The following IMPG1 variants were observed in gnomAD, a reference collection of about 807,000 sequenced individuals.
IMPG1 encodes the protein interphotoreceptor matrix proteoglycan of 150 kDa.
IMPG1 carries 85 observed loss-of-function variants against 92.0 expected under a neutral mutation model. That is an observed-to-expected ratio of 0.92 (90% CI 0.78 to 1.11). The LOEUF (loss-of-function observed/expected upper bound fraction) is 1.11, where lower values mean the gene tolerates loss of function less well. IMPG1 is among the 50% of genes least tolerant of loss of function. The pLI, the probability that IMPG1 is intolerant of heterozygous loss-of-function variation, is 0.00. For synonymous variants in IMPG1, 367 were observed against 334.1 expected (o/e 1.10, Z -1.08); for missense variants, 1,022 against 956.0 (o/e 1.07, Z -0.91).
At chr6:75,997,380 T>G (rs374394679) in intron 12 of IMPG1, among the ~76,000 whole-genome samples, 1 of 152,338 alleles carries the variant, frequency 6.6e-6, no homozygotes, top group East Asian at 1.9e-4. Context: ...CATCCTAAAG[T>G]GGAGCAATTT....
Position 76,072,432 on chromosome 6 carries a change from T to C in IMPG1, c.57A>G (p.Gln19=), listed in dbSNP as rs1297561547. 1 of 1,577,516 alleles carries C rather than the reference T, an allele frequency of 6.3e-7. No homozygotes were observed. Among genetic ancestry groups the C allele is most frequent in the Admixed American group, 1.7e-5 (1 of 58,696 alleles). ...IFVFWIFLQV[Q]GTKDISINIY... ...ATTTAAGTAACTTACCTTTGGTTCC[T>C]TGAACTTGGAGAAAAATCCAAAAAA... The change falls in exon 1 of 17, where the codon CAA becomes CAG. Residue 19 remains glutamine (Q), a synonymous_variant. Coordinates refer to ENST00000369950, the MANE Select transcript of IMPG1 (RefSeq NM_001563.4).
intron 12 of IMPG1, among the ~76,000 whole-genome samples, chr6:75,965,858 T>C (rs907963847): frequency 1.2e-4 from 18 of 152,196 alleles, no homozygotes; most frequent in East Asian, 1.2e-3. Flanking sequence ...CTGCCCGCCT[T>C]GGCCTCCCAA....
chr6:75,921,979 CT>C lies in IMPG1; in HGVS notation c.*109del, dbSNP rs1359955041. On this transcript the variant is annotated 3_prime_UTR_variant, in exon 17 of 17. Coordinates refer to ENST00000369950, the MANE Select transcript of IMPG1 (RefSeq NM_001563.4). The stretch of plus-strand genomic sequence containing the variant: ...GGTGTGTGCTGATTCTCAGTGTTGA[CT>C]GTATGTCTGGATTTTGATGACCCAT... 1 of 651,060 alleles carries C rather than the reference CT, an allele frequency of 1.5e-6. No individual in the cohort carries two copies. Among genetic ancestry groups the C allele is most frequent in the African/African-American group, 1.8e-5 (1 of 54,868 alleles). 40.3% of individuals were successfully genotyped at this position (651,060 alleles called of 1,614,324 possible).
intron 12 of IMPG1, 39 bp downstream of exon 12, chr6:76,002,879 T>C (rs770148586): frequency 2.7e-6 from 4 of 1,456,918 alleles, no homozygotes; most frequent in Non-Finnish European, 3.9e-6. Flanking sequence ...TCAAAGCATA[T>C]GTTGTCATCT....
At chr6:76,071,678 T>C (rs1427658546) in intron 1 of IMPG1, among the ~76,000 whole-genome samples, 1 of 152,102 alleles carries the variant, frequency 6.6e-6, no homozygotes, top group Non-Finnish European at 1.5e-5. Context: ...TTAAAGAAAT[T>C]CTTAACCTTA....
At chr6:75,984,681 T>G (rs1354235510) in intron 12 of IMPG1, among the ~76,000 whole-genome samples, 1 of 152,250 alleles carries the variant, frequency 6.6e-6, no homozygotes, top group Admixed American at 6.5e-5. Context: ...AAATCTTATG[T>G]TGAAATGTGA....
intron 4 of IMPG1, among the ~76,000 whole-genome samples, chr6:76,032,966 A>T (rs1317579387): frequency 6.6e-6 from 1 of 152,226 alleles, no homozygotes; most frequent in Non-Finnish European, 1.5e-5. Flanking sequence ...CAAGAAACAG[A>T]TGACTCTCTC....
chr6:75,922,091 A>G lies in IMPG1; in HGVS notation c.2392T>C (p.Ter798GlnextTer40), dbSNP rs747078739. Residue 798 changes from the stop codon to glutamine, a stop_lost, in exon 17 of 17, where the codon TAA becomes CAA. Coordinates refer to ENST00000369950, the MANE Select transcript of IMPG1 (RefSeq NM_001563.4). ...TGATAATTGTACATTTTCAGTTTTT[A>G]ATTTCCTTCCCAATCTTGATGGTTA... ...EFNHQDWEGN[*>Q] 2.3e-6 allele frequency: 3 copies of G among 1,297,908 alleles called. No individual in the cohort carries two copies. Among genetic ancestry groups the G allele is most frequent in the Non-Finnish European group, 3.3e-6 (3 of 907,030 alleles). 80.4% of individuals were successfully genotyped at this position (1,297,908 alleles called of 1,614,324 possible).
In IMPG1 at chr6:76,057,377, C is replaced by T. The variant is rs377320954; in HGVS notation, c.67+15045G>A. ...GTGATGAGGCATGTAGCAGTGGGGA[C>T]CGGGGTGCTTGTGCACCAGAGGTTG... is the stretch of plus-strand genomic sequence containing the variant. On this transcript the variant is annotated intron_variant, in intron 1 of 16. Transcript: ENST00000369950. 2.6e-5 allele frequency among the ~76,000 whole-genome samples: 4 copies of T among 152,102 alleles called. No homozygotes were observed. The East Asian group carries it at 7.7e-4, about 29-fold the overall frequency.
intron 1 of IMPG1, among the ~76,000 whole-genome samples, chr6:76,065,576 G>A (rs1443701769): frequency 6.6e-6 from 1 of 151,966 alleles, no homozygotes; most frequent in Non-Finnish European, 1.5e-5. Context: ...CATGAAGTGG[G>A]GGATTATGTA....
At chr6:75,926,345 C>G (rs1347181023) in intron 15 of IMPG1, among the ~76,000 whole-genome samples, 1 of 152,190 alleles carries the variant, frequency 6.6e-6, no homozygotes, top group Non-Finnish European at 1.5e-5. Flanking sequence ...TCCCACTATT[C>G]AGTGGAGAAA....
chr6:75,973,452 AG>A (rs1269501108), intron 12 of IMPG1, among the ~76,000 whole-genome samples: 2 of 152,244 alleles, frequency 1.3e-5, no homozygotes, highest in Non-Finnish European at 2.9e-5. Flanking sequence ...ACTTTGTGTC[AG>A]GAATTTTACT....
At position 75,930,033 on chromosome 6, in the gene IMPG1, C is replaced by T. The variant is rs1781637868; in HGVS notation, c.2243+920G>A. ...TTATTAATACATGTGGATGTTCATC[C>T]TTTGTCTGTAATATAGGTTGCATTA... is the stretch of plus-strand genomic sequence containing the variant. On this transcript the variant is annotated intron_variant, in intron 15 of 16. Coordinates refer to ENST00000369950, the MANE Select transcript of IMPG1 (RefSeq NM_001563.4). 1.3e-5 allele frequency among the ~76,000 whole-genome samples: 2 copies of T among 152,078 alleles called. 1 individual carries two copies. The highest frequency in any genetic ancestry group is 4.8e-5 in the African/African-American group (2 of 41,412).
At chr6:76,065,676 C>A (rs2127598589) in intron 1 of IMPG1, among the ~76,000 whole-genome samples, 1 of 152,110 alleles carries the variant, frequency 6.6e-6, no homozygotes, top group Admixed American at 6.6e-5. Flanking sequence ...TTCAGGAAAA[C>A]TTCCCTAATT....
At chr6:76,008,092 T>G (rs1329257263) in intron 8 of IMPG1, among the ~76,000 whole-genome samples, 2 of 152,186 alleles carry the variant, frequency 1.3e-5, no homozygotes, top group Non-Finnish European at 2.9e-5. Context: ...GGGTGAGTGG[T>G]CTGTACTAAA....
At chr6:75,922,227 A>G (rs1781442178) in intron 16 of IMPG1, 61 bp from the exon 17 acceptor site, 10 of 699,540 alleles carry the variant, frequency 1.4e-5, no homozygotes, top group Non-Finnish European at 1.8e-5. Context: ...CCAATGGTTC[A>G]TTCCAATATT....
intron 8 of IMPG1, among the ~76,000 whole-genome samples, chr6:76,008,558 G>C (rs568176523): frequency 6.6e-6 from 1 of 152,256 alleles, no homozygotes; most frequent in Non-Finnish European, 1.5e-5. Flanking sequence ...AATCTAACTA[G>C]TGCTGCTGTA....
chr6:75,968,541 T>C (rs1197101127), intron 12 of IMPG1, among the ~76,000 whole-genome samples: 1 of 152,102 alleles, frequency 6.6e-6, no homozygotes, highest in Non-Finnish European at 1.5e-5. Flanking sequence ...TCTAAAATGA[T>C]AGATATTATT....
Position 76,022,132 on chromosome 6 carries a change from G to T in IMPG1, c.650C>A (p.Thr217Asn). Residue 217 changes from threonine (T) to asparagine (N), a missense_variant, in exon 6 of 17, where the codon ACC becomes AAC. Thr to Asn is a moderately conservative substitution (Grantham distance 65). Around this residue, in one of 3 missense-constraint regions of IMPG1, gnomAD observed 681 missense variants for 583.6 expected, o/e 1.17. Coordinates refer to ENST00000369950, the MANE Select transcript of IMPG1 (RefSeq NM_001563.4). ...NEILDNTLNDTKMPTTERETE... is the reference protein window; with the variant it reads ...NEILDNTLNDNKMPTTERETE... Reference sequence around the variant, plus strand: ...ACTTCTTACTGTTGTAGGCATCTTGGTGTCGTTGAGTGTATTATCGAGAAT... The same window carrying T: ...ACTTCTTACTGTTGTAGGCATCTTGTTGTCGTTGAGTGTATTATCGAGAAT... 1.3e-6 allele frequency: 2 copies of T among 1,581,928 alleles called. No homozygotes were observed. Among genetic ancestry groups the T allele is most frequent in the Non-Finnish European group, 8.7e-7 (1 of 1,155,432 alleles).
Sources: gnomAD v4.1 joint callset for allele counts (sites outside exome capture counted in the v4.1 genomes callset) on GRCh38, gnomAD v4.1.1 for gene constraint, gnomAD v4.1.1 regional missense constraint, MANE v1.5 for transcripts, NCBI Gene and HGNC (gene_info 2026-07-23, HGNC 2026-07-21) for gene names.